WDR62: variants seen among roughly 807,000 people sequenced by gnomAD.
WDR62 encodes the protein WD repeat-containing protein 62.
A neutral mutation model predicts 160.6 loss-of-function variants in WDR62; 112 were observed. The observed-to-expected ratio is 0.70, with a 90% confidence interval of 0.60 to 0.82. The LOEUF is 0.82. Among genes scored for constraint, WDR62 ranks in the 40% least tolerant of loss-of-function variants. The probability of loss-of-function intolerance (pLI) is 0.00; values close to 1 mark genes in which losing one functional copy is unlikely to be tolerated. For missense variants in WDR62, 1,819 were observed against 1,983.8 expected (o/e 0.92, Z 1.58); for synonymous variants, 792 against 815.1 (o/e 0.97, Z 0.48).
chr19:36,109,588 G>C (rs1973769937), downstream of WDR62, among the ~76,000 whole-genome samples: 1 of 148,860 alleles, frequency 6.7e-6, no homozygotes, highest in Non-Finnish European at 1.5e-5. Flanking sequence ...ACAAAAATTA[G>C]CCGGGTGTGG....
intron 16 of WDR62, 80 bp downstream of exon 16, chr19:36,090,600 C>A: frequency 7.4e-7 from 1 of 1,357,144 alleles, no homozygotes; most frequent in African/African-American, 1.4e-5. Context: ...GACCTGTGCC[C>A]TTGGTCCTTC....
intron 7 of WDR62, among the ~76,000 whole-genome samples, chr19:36,068,367 T>A (rs1051703341): frequency 3.3e-5 from 5 of 152,200 alleles, no homozygotes; most frequent in African/African-American, 4.8e-5. Flanking sequence ...TTAATTAATT[T>A]ATTTTTTTTT....
chr19:36,056,392 A>G (rs1970373737), intron 1 of WDR62, among the ~76,000 whole-genome samples: 1 of 152,074 alleles, frequency 6.6e-6, no homozygotes, highest in Non-Finnish European at 1.5e-5. Flanking sequence ...GTTCAGTCAC[A>G]CTGGCCTGCT....
At chr19:36,077,483 T>C (rs1476533527) in intron 9 of WDR62, among the ~76,000 whole-genome samples, 1 of 152,078 alleles carries the variant, frequency 6.6e-6, no homozygotes, top group East Asian at 1.9e-4. Context: ...GGTTTCACCA[T>C]GTTAGCCAGG....
At chr19:36,100,996 T>G in intron 23 of WDR62, 121 bp downstream of exon 23, 2 of 1,510,020 alleles carry the variant, frequency 1.3e-6, no homozygotes, top group South Asian at 2.3e-5. Context: ...AGTTGAGGCC[T>G]GGATGGGGCA....
At chr19:36,090,642 A>G (rs975757119) in intron 16 of WDR62, 122 bp downstream of exon 16, 2 of 897,268 alleles carry the variant, frequency 2.2e-6, no homozygotes, top group Non-Finnish European at 1.8e-6. Context: ...GCACCTTCTC[A>G]GGCCTGGTTA....
chr19:36,108,722 T>G (rs909229132), downstream of WDR62, among the ~76,000 whole-genome samples: 6 of 151,898 alleles, frequency 4.0e-5, no homozygotes, highest in Admixed American at 3.9e-4. Flanking sequence ...GGTGTGGTGG[T>G]GCACGCCTGT....
chr19:36,110,503 T>C, the WDR62 span, among the ~76,000 whole-genome samples: 1 of 152,178 alleles, frequency 6.6e-6, no homozygotes, highest in Admixed American at 6.5e-5. Context: ...AGACCCCCTT[T>C]TACTTTCCAG....
At chr19:36,099,705 G>T in intron 22 of WDR62, 88 bp downstream of exon 22, 1 of 1,292,296 alleles carries the variant, frequency 7.7e-7, no homozygotes, top group South Asian at 1.2e-5. Context: ...CCACTCCATG[G>T]GGGCAGGGAG....
chr19:36,109,914 G>A (rs1010435778), downstream of WDR62, among the ~76,000 whole-genome samples: 1 of 151,520 alleles, frequency 6.6e-6, no homozygotes, highest in Non-Finnish European at 1.5e-5. Flanking sequence ...AATCAGCTGG[G>A]TGCAGTGGTG....
chr19:36,102,739 C>G lies in WDR62; in HGVS notation c.3223C>G (p.Leu1075Val). 1.9e-6 allele frequency: 3 copies of G among 1,614,112 alleles called. No individual in the cohort carries two copies. The highest frequency in any genetic ancestry group is 2.5e-6 in the Non-Finnish European group (3 of 1,179,924). Residue 1075 changes from leucine (L) to valine (V), a missense_variant and splice_region_variant, in exon 27 of 32, where the codon CTC becomes GTC. Coordinates refer to ENST00000401500, the MANE Select transcript of WDR62 (RefSeq NM_001083961.2). ...ETLTESPCRE[L>V]FPAALGDVEA... Reference sequence around the variant, plus strand: ...GTCCCCTCGGGATCTTCCCCTAGAGCTCTTCCCCGCAGCTCTGGGAGACGT... The same window carrying G: ...GTCCCCTCGGGATCTTCCCCTAGAGGTCTTCCCCGCAGCTCTGGGAGACGT...
In WDR62 at chr19:36,104,790, A is replaced by AC; in HGVS notation, c.4335dup (p.Thr1446HisfsTer9). On this transcript the variant is annotated frameshift_variant, in exon 32 of 32. Transcript: ENST00000401500. LOFTEE classifies it low-confidence loss of function (END_TRUNC). ...CAGTTGGTCTCCAGTGGCCAGGTGG[A>AC]CACCGGGCAGCAGCAGGCACGGACT... The AC allele has an allele frequency of 6.2e-7, 1 of 1,613,626 alleles. No homozygotes were observed. Among genetic ancestry groups the AC allele is most frequent in the Non-Finnish European group, 8.5e-7 (1 of 1,179,992 alleles).
Position 36,097,071 on chromosome 19 carries a change from A to G in WDR62, c.2512A>G (p.Lys838Glu). 7 of 1,613,942 alleles carry G rather than the reference A, an allele frequency of 4.3e-6. No homozygotes were observed. Among genetic ancestry groups the G allele is most frequent in the Non-Finnish European group, 5.9e-6 (7 of 1,179,918 alleles). Residue 838 changes from lysine to glutamate, a missense_variant, in exon 21 of 32, where the codon AAG (lysine) becomes GAG (glutamate). Physicochemically the swap from Lys to Glu is moderately conservative, Grantham distance 56. Coordinates refer to ENST00000401500, the MANE Select transcript of WDR62 (RefSeq NM_001083961.2). ...CAACGGCAAGCTGCCACTGTGGGCA[A>G]AGCGGCTGGTAAGTCTTCAGGGAGA... ...LTNGKLPLWA[K>E]RLLGDDDVAD... is the part of the protein sequence containing the mutation.
chr19:36,058,701 C>T, intron 1 of WDR62, 79 bp from the exon 2 acceptor site: 2 of 1,136,776 alleles, frequency 1.8e-6, no homozygotes, highest in South Asian at 2.5e-5. Flanking sequence ...GTAGCAGGAC[C>T]TGAATGGGTG....
At chr19:36,108,679 C>T (rs575063119), downstream of WDR62, among the ~76,000 whole-genome samples, 1 of 152,122 alleles carries the variant, frequency 6.6e-6, no homozygotes, top group African/African-American at 2.4e-5. Flanking sequence ...CATAGCAAGA[C>T]TCCACCTCTA....
intron 22 of WDR62, 105 bp downstream of exon 22, chr19:36,099,722 A>G (rs1973213184): frequency 1.7e-6 from 2 of 1,150,320 alleles, no homozygotes; most frequent in Non-Finnish European, 2.5e-6. Context: ...GGAGGATTAC[A>G]TGAGATGGTG....
chr19:36,084,875 C>G (rs1352323131), intron 12 of WDR62, 131 bp downstream of exon 12: 1 of 827,744 alleles, frequency 1.2e-6, no homozygotes, highest in African/African-American at 1.7e-5. Flanking sequence ...CGGTAAGGGC[C>G]CCTGTAGCTG....
chr19:36,097,149 A>C (rs923679458), intron 21 of WDR62, 70 bp downstream of exon 21: 6 of 1,502,650 alleles, frequency 4.0e-6, no homozygotes, highest in Non-Finnish European at 5.5e-6. Flanking sequence ...GCCTTCTGGA[A>C]GCCCTTTTTC....
In WDR62 at chr19:36,102,169, C is replaced by T; in HGVS notation, c.3220+18C>T. On this transcript the variant is annotated intron_variant, in intron 26 of 31. Transcript: ENST00000401500. ...CTGCAGAGGTAGGGCCCTGCCTCAC[C>T]CACACCTGCCGAGGCCGTCTGTGCA... The T allele has an allele frequency of 6.2e-7, 1 of 1,613,674 alleles. No individual in the cohort carries two copies. The highest frequency in any genetic ancestry group is 1.1e-5 in the South Asian group (1 of 91,086).
Sources: gnomAD v4.1 joint callset for allele counts (sites outside exome capture counted in the v4.1 genomes callset) on GRCh38, gnomAD v4.1.1 for gene constraint, MANE v1.5 for transcripts, NCBI Gene and HGNC (gene_info 2026-07-23, HGNC 2026-07-21) for gene names.